PRELID2: variants seen among roughly 807,000 people sequenced by gnomAD.
PRELID2 encodes PRELI domain-containing protein 2.
Under a neutral mutation model 28.4 loss-of-function variants are expected in PRELID2, and 25 were observed. That is an observed-to-expected ratio of 0.88 (90% CI 0.64 to 1.23). The LOEUF is 1.23. PRELID2 is among the 50% of genes most tolerant of loss of function. PRELID2 has a pLI of 0.00. For missense variants in PRELID2, 201 were observed against 214.4 expected, an observed-to-expected ratio of 0.94 and a Z score of 0.39; for synonymous variants, 76 against 71.6, an observed-to-expected ratio of 1.06 and a Z score of -0.31.
intron 1 of PRELID2, among the ~76,000 whole-genome samples, chr5:145,691,810 T>C (rs1755156216): frequency 6.6e-6 from 1 of 152,142 alleles, no homozygotes; most frequent in African/African-American, 2.4e-5. Context: ...TGTTCCTTCA[T>C]GGAGCCCAAG....
chr5:145,547,655 C>A (rs1752799471), intron 1 of PRELID2, among the ~76,000 whole-genome samples: 1 of 151,954 alleles, frequency 6.6e-6, no homozygotes, highest in Non-Finnish European at 1.5e-5. Context: ...AAGGTTGCAA[C>A]AGAAGAAAAT....
chr5:145,597,359 C>T (rs1178329391), intron 1 of PRELID2, among the ~76,000 whole-genome samples: 3 of 152,150 alleles, frequency 2.0e-5, no homozygotes, highest in African/African-American at 7.2e-5. Context: ...GCCAAAGGTA[C>T]ATGACATAAC....
At chr5:145,574,171 C>A (rs1382033054) in intron 1 of PRELID2, among the ~76,000 whole-genome samples, 2 of 152,014 alleles carry the variant, frequency 1.3e-5, no homozygotes, top group Non-Finnish European at 2.9e-5. Flanking sequence ...AAGAACTCAA[C>A]CCAACTTCGT....
chr5:145,589,696 T>C (rs1237599719), intron 1 of PRELID2, among the ~76,000 whole-genome samples: 2 of 152,174 alleles, frequency 1.3e-5, no homozygotes, highest in African/African-American at 4.8e-5. Flanking sequence ...CCACATTTAT[T>C]GAAGACATTT....
At chr5:145,439,588 G>A in the PRELID2 span, among the ~76,000 whole-genome samples, 1 of 152,034 alleles carries the variant, frequency 6.6e-6, no homozygotes, top group African/African-American at 2.4e-5. Flanking sequence ...AATGTTCTGT[G>A]TTTTTGATGC....
chr5:145,700,891 G>A (rs1030369687), intron 1 of PRELID2, among the ~76,000 whole-genome samples: 9 of 152,150 alleles, frequency 5.9e-5, no homozygotes, highest in Admixed American at 2.0e-4. Context: ...ATGGCCATAC[G>A]GACCACAGAG....
At chr5:145,286,702 G>GTTT in the PRELID2 span, among the ~76,000 whole-genome samples, 5 of 96,674 alleles carry the variant, frequency 5.2e-5, no homozygotes, top group African/African-American at 1.5e-4. Flanking sequence ...AGAAGTTTTT[G>GTTT]TTTTTTTTTG....
chr5:145,430,688 C>T, the PRELID2 span, among the ~76,000 whole-genome samples: 2 of 152,076 alleles, frequency 1.3e-5, no homozygotes, highest in African/African-American at 4.8e-5. Context: ...CTTTCTTATA[C>T]CGAATGTGGT....
chr5:145,668,870 A>G (rs1322069605), intron 1 of PRELID2, among the ~76,000 whole-genome samples: 1 of 152,114 alleles, frequency 6.6e-6, no homozygotes. Flanking sequence ...AGCCCTGGAG[A>G]TGATTGATTT....
At chr5:145,419,247 T>C in the PRELID2 span, among the ~76,000 whole-genome samples, 1 of 145,242 alleles carries the variant, frequency 6.9e-6, no homozygotes, top group African/African-American at 2.5e-5. Context: ...ATATACCCAG[T>C]AATGGGATGG....
At chr5:145,656,712 T>C (rs1002546872) in intron 1 of PRELID2, among the ~76,000 whole-genome samples, 2 of 127,416 alleles carry the variant, frequency 1.6e-5, no homozygotes, top group African/African-American at 6.1e-5. Flanking sequence ...TGAGAACACT[T>C]GGACACAGGA....
intron 5 of PRELID2, among the ~76,000 whole-genome samples, chr5:145,775,873 T>C (rs541100773): frequency 6.6e-6 from 1 of 152,296 alleles, no homozygotes; most frequent in South Asian, 2.1e-4. Flanking sequence ...GGAAGTGACG[T>C]TTGTGTTTTA....
chr5:145,371,685 G>A, the PRELID2 span, among the ~76,000 whole-genome samples: 1 of 151,880 alleles, frequency 6.6e-6, no homozygotes, highest in Non-Finnish European at 1.5e-5. Context: ...CAGAAGGAAT[G>A]GTACCAGCTC....
At chr5:145,598,993 T>G (rs1753350113) in intron 1 of PRELID2, among the ~76,000 whole-genome samples, 1 of 152,158 alleles carries the variant, frequency 6.6e-6, no homozygotes, top group South Asian at 2.1e-4. Flanking sequence ...TTCCTTCCTT[T>G]TTTATCCCCC....
chr5:145,343,313 A>T, the PRELID2 span, among the ~76,000 whole-genome samples: 2 of 151,992 alleles, frequency 1.3e-5, no homozygotes, highest in Admixed American at 1.3e-4. Flanking sequence ...AACCAATATT[A>T]TATCAAGTAT....
At chr5:145,324,729 T>C in the PRELID2 span, among the ~76,000 whole-genome samples, 3 of 152,226 alleles carry the variant, frequency 2.0e-5, no homozygotes, top group Non-Finnish European at 4.4e-5. Context: ...ATATTATTAA[T>C]TTATTCAATC....
the PRELID2 span, among the ~76,000 whole-genome samples, chr5:145,367,222 C>T: frequency 6.6e-6 from 1 of 151,898 alleles, no homozygotes; most frequent in Non-Finnish European, 1.5e-5. Flanking sequence ...TAAAGTTTCA[C>T]ATCCTTTCAA....
At chr5:145,754,592 C>T (rs1757209352), downstream of PRELID2, among the ~76,000 whole-genome samples, 1 of 152,066 alleles carries the variant, frequency 6.6e-6, no homozygotes, top group African/African-American at 2.4e-5. Flanking sequence ...GTTTGAGGTA[C>T]TAAGGAAGCT....
intron 1 of PRELID2, among the ~76,000 whole-genome samples, chr5:145,656,131 A>G (rs10062505): frequency 0.24 from 35,811 of 152,090 alleles, 8,233 homozygotes; most frequent in African/African-American, 0.59. Flanking sequence ...CCTTTATGCA[A>G]CCAACAGACA....
Sources: gnomAD v4.1 joint callset for allele counts (sites outside exome capture counted in the v4.1 genomes callset) on GRCh38, gnomAD v4.1.1 for gene constraint, MANE v1.5 for transcripts, NCBI Gene and HGNC (gene_info 2026-07-23, HGNC 2026-07-21) for gene names.